The following MYO18B variants were observed in gnomAD, a reference collection of about 807,000 sequenced individuals.
The protein encoded by MYO18B is myosin XVIIIB, also known as unconventional myosin-XVIIIb.
In MYO18B, 204 loss-of-function variants were observed where a neutral mutation model predicts 273.0. The observed-to-expected ratio is 0.75, with a 90% CI of 0.67 to 0.84. MYO18B has a LOEUF of 0.84. MYO18B is among the 40% of genes least tolerant of loss of function. MYO18B has a pLI of 0.00. For missense variants in MYO18B, 3,212 were observed against 3,287.6 expected (o/e 0.98, Z 0.56); for synonymous variants, 1,330 against 1,305.7 (o/e 1.02, Z -0.40).
At chr22:26,000,326 T>G (rs1348239068) in intron 40 of MYO18B, among the ~76,000 whole-genome samples, 5 of 152,166 alleles carry the variant, frequency 3.3e-5, no homozygotes, top group Admixed American at 1.3e-4. Flanking sequence ...ATCCTCTGAT[T>G]GGAGTGACAG....
chr22:25,844,658 A>G (rs1289484131), intron 18 of MYO18B, among the ~76,000 whole-genome samples: 20 of 152,268 alleles, frequency 1.3e-4, no homozygotes, highest in Admixed American at 1.3e-3. Flanking sequence ...CTCACACAGC[A>G]GAACAGTGGC....
intron 34 of MYO18B, among the ~76,000 whole-genome samples, chr22:25,935,171 AGC>A (rs1308124971): frequency 6.7e-6 from 1 of 149,896 alleles, no homozygotes; most frequent in Non-Finnish European, 1.5e-5. Flanking sequence ...TTCTGAAGCT[AGC>A]TTGGGAGAAG....
intron 21 of MYO18B, among the ~76,000 whole-genome samples, chr22:25,855,787 T>A (rs1406273389): frequency 6.6e-6 from 1 of 152,184 alleles, no homozygotes; most frequent in Non-Finnish European, 1.5e-5. Context: ...GTTGCTGGGT[T>A]GAATGTACAA....
At chr22:25,984,125 AATTTTACATT>A (rs67318496) in intron 39 of MYO18B, among the ~76,000 whole-genome samples, 17,659 of 152,198 alleles carry the variant, frequency 0.12, 1,099 homozygotes, top group Middle Eastern at 0.15. Flanking sequence ...AGGTGTACAC[AATTTTACATT>A]ATTTCATTTG....
chr22:26,023,438 C>CA (rs1935976417), intron 42 of MYO18B, among the ~76,000 whole-genome samples: 1 of 151,946 alleles, frequency 6.6e-6, no homozygotes, highest in South Asian at 2.1e-4. Context: ...ACTTTTATGC[C>CA]TTTTTTCCCC....
At chr22:26,025,561 G>A (rs909772049) in intron 42 of MYO18B, among the ~76,000 whole-genome samples, 1 of 152,140 alleles carries the variant, frequency 6.6e-6, no homozygotes, top group Non-Finnish European at 1.5e-5. Flanking sequence ...TTTATCTGCA[G>A]TGCCAACACT....
intron 12 of MYO18B, among the ~76,000 whole-genome samples, chr22:25,822,889 TG>T (rs1283346038): frequency 6.6e-6 from 1 of 152,232 alleles, no homozygotes; most frequent in African/African-American, 2.4e-5. Flanking sequence ...ATACAATGTG[TG>T]GAATTTACAG....
intron 42 of MYO18B, among the ~76,000 whole-genome samples, chr22:26,010,756 G>C (rs548888451): frequency 6.6e-6 from 1 of 152,112 alleles, no homozygotes; most frequent in Non-Finnish European, 1.5e-5. Context: ...AACTAGGACT[G>C]GGTGCTCCAC....
intron 39 of MYO18B, among the ~76,000 whole-genome samples, chr22:25,963,334 T>C (rs2092940789): frequency 6.6e-6 from 1 of 151,804 alleles, no homozygotes; most frequent in Non-Finnish European, 1.5e-5. Flanking sequence ...GGAGGCTAGA[T>C]GTCTGAAATG....
At chr22:25,840,179 G>T (rs142131171) in intron 17 of MYO18B, among the ~76,000 whole-genome samples, 200 of 152,284 alleles carry the variant, frequency 1.3e-3, no homozygotes, top group African/African-American at 4.4e-3. Flanking sequence ...GAGGACAGTT[G>T]CTCCTGTTCA....
At chr22:25,921,702 T>TTGTGTGTGTGTGTGTG (rs3070571) in intron 34 of MYO18B, among the ~76,000 whole-genome samples, 2 of 145,600 alleles carry the variant, frequency 1.4e-5, no homozygotes, top group Admixed American at 6.8e-5. Flanking sequence ...AGTGTGCCTG[T>TTGTGTGTGTGTGTGTG]TGTGTGTGTG....
chr22:26,040,822 G>T, the MYO18B span, among the ~76,000 whole-genome samples: 1 of 152,114 alleles, frequency 6.6e-6, no homozygotes, highest in South Asian at 2.1e-4. Flanking sequence ...AGGAATGGTG[G>T]ACAAGATCAG....
intron 21 of MYO18B, among the ~76,000 whole-genome samples, chr22:25,860,495 T>A (rs1200479600): frequency 6.6e-6 from 1 of 152,214 alleles, no homozygotes; most frequent in African/African-American, 2.4e-5. Context: ...AAGCATACAT[T>A]TTCCTCAAAG....
At chr22:25,995,870 TG>T (rs1156636682) in intron 40 of MYO18B, among the ~76,000 whole-genome samples, 2 of 152,222 alleles carry the variant, frequency 1.3e-5, no homozygotes, top group East Asian at 3.8e-4. Context: ...GGGCGTCTGA[TG>T]TTTTTCCCTT....
At chr22:26,002,441 C>A (rs146292961) in intron 40 of MYO18B, among the ~76,000 whole-genome samples, 92 of 152,198 alleles carry the variant, frequency 6.0e-4, no homozygotes, top group African/African-American at 2.1e-3. Context: ...ATAGAAGCCC[C>A]CAGGGTGACA....
rs561212301 is a variant in MYO18B, at chr22:25,982,839, G to A, written c.6157-9524G>A. On this transcript the variant is annotated intron_variant, in intron 39 of 43. Transcript: ENST00000335473. ...ATACAAGGGAACGGATTTACATGTTGCCGGATTAGATCATAGACATCTTTG... is the reference window on the plus strand; with the variant it reads ...ATACAAGGGAACGGATTTACATGTTACCGGATTAGATCATAGACATCTTTG... Among the ~76,000 whole-genome samples the A allele has an allele frequency of 2.0e-5, 3 of 152,296 alleles. No homozygotes were observed. In the East Asian group the frequency reaches 5.8e-4, roughly 29 times the overall value.
chr22:25,968,484 G>A (rs1315359335), intron 39 of MYO18B, among the ~76,000 whole-genome samples: 1 of 152,060 alleles, frequency 6.6e-6, no homozygotes, highest in Non-Finnish European at 1.5e-5. Context: ...CTTGCCACAG[G>A]CCCCTTCTAG....
At chr22:25,947,218 G>A (rs971737919) in intron 35 of MYO18B, among the ~76,000 whole-genome samples, 6 of 151,796 alleles carry the variant, frequency 4.0e-5, no homozygotes, top group African/African-American at 1.5e-4. Context: ...AATGCCCTCC[G>A]TATAGGTAAC....
chr22:25,973,492 T>G (rs2093057268), intron 39 of MYO18B, among the ~76,000 whole-genome samples: 1 of 152,234 alleles, frequency 6.6e-6, no homozygotes, highest in East Asian at 1.9e-4. Context: ...TGCCATAATT[T>G]CTCTGATATT....
Sources: gnomAD v4.1 joint callset for allele counts (sites outside exome capture counted in the v4.1 genomes callset) on GRCh38, gnomAD v4.1.1 for gene constraint, MANE v1.5 for transcripts, NCBI Gene and HGNC (gene_info 2026-07-23, HGNC 2026-07-21) for gene names.